Variants in CYRIB observed in about 807,000 individuals in gnomAD.
CYRIB encodes the protein CYFIP related Rac1 interactor B.
In CYRIB, 8 loss-of-function variants were observed where a neutral mutation model predicts 44.2. The ratio of observed to expected loss-of-function variants is 0.18; its 90% CI spans 0.11 to 0.33. The LOEUF (loss-of-function observed/expected upper bound fraction) is 0.33, where lower values mean the gene tolerates loss of function less well. Among genes scored for constraint, CYRIB ranks in the 10% least tolerant of loss-of-function variants. CYRIB has a pLI of 1.00. For synonymous variants in CYRIB, 131 were observed against 127.2 expected, an observed-to-expected ratio of 1.03 and a Z score of -0.20; for missense variants, 185 against 382.8, an observed-to-expected ratio of 0.48 and a Z score of 4.31.
At chr8:129,941,110 C>G (rs1416109338), upstream of CYRIB, among the ~76,000 whole-genome samples, 1 of 151,972 alleles carries the variant, frequency 6.6e-6, no homozygotes, top group East Asian at 1.9e-4. Context: ...TACTTAGAAA[C>G]GTGTTGAGTC....
chr8:129,901,236 T>A (rs1201658399), intron 2 of CYRIB, among the ~76,000 whole-genome samples: 1 of 152,118 alleles, frequency 6.6e-6, no homozygotes, highest in Non-Finnish European at 1.5e-5. Context: ...CTTTTTTTTT[T>A]GAGAGACAGA....
In CYRIB at chr8:129,849,385, G is replaced by C; in HGVS notation, c.714-16C>G. 8.8e-6 allele frequency: 14 copies of C among 1,587,630 alleles called. 1 individual carries two copies. The highest frequency in any genetic ancestry group is 4.7e-5 in the South Asian group (4 of 85,944). ...TCTGTATTCCCTGAAGAGTAGATAA[G>C]ATATGCATGGAAGAAGTGCATTACA... On this transcript the variant is annotated splice_polypyrimidine_tract_variant and intron_variant, in intron 9 of 11. Transcript: ENST00000519824.
intron 1 of CYRIB, among the ~76,000 whole-genome samples, chr8:129,993,376 G>A (rs1393264150): frequency 6.7e-6 from 1 of 150,326 alleles, no homozygotes; most frequent in Admixed American, 6.7e-5. Context: ...CTGGGTGACA[G>A]ACTAAGACTT....
At chr8:129,989,758 T>TA (rs1181944772) in intron 1 of CYRIB, among the ~76,000 whole-genome samples, 2 of 151,476 alleles carry the variant, frequency 1.3e-5, no homozygotes, top group Non-Finnish European at 2.9e-5. Context: ...ACTCGTCATT[T>TA]ACATTAGGTA....
At position 129,960,684 on chromosome 8, in the gene CYRIB, G is replaced by A. The variant is rs550089489; in HGVS notation, c.-243+10259C>T. The stretch of plus-strand genomic sequence containing the variant: ...AAAAAAAAAAAGGCTGGGCATGGTG[G>A]CTCATGCCTGTAATCCCAGCACTTT... On this transcript the variant is annotated intron_variant, in intron 2 of 14. Transcript: ENST00000401979. 3.6e-3 allele frequency among the ~76,000 whole-genome samples: 517 copies of A among 145,192 alleles called. 4 individuals are homozygous for A. The highest frequency in any genetic ancestry group is 0.012 in the African/African-American group (491 of 39,290).
At position 129,895,427 on chromosome 8, in the gene CYRIB, T is replaced by TC. The variant is rs537058471; in HGVS notation, c.-11+7884_-11+7885insG. ...TTTGTCATAACAGTCCAGTTTTTCA[T>TC]TTTTCTTCATGGTCTGTGCTTACTG... On this transcript the variant is annotated intron_variant, in intron 2 of 11. Coordinates refer to ENST00000519824, the Ensembl canonical transcript of CYRIB. 4.5e-4 allele frequency among the ~76,000 whole-genome samples: 68 copies of TC among 151,152 alleles called. 2 individuals carry two copies. In the South Asian group the frequency reaches 9.8e-3, roughly 22 times the overall value.
At chr8:129,919,914 A>G (rs1465619621) in intron 1 of CYRIB, among the ~76,000 whole-genome samples, 2 of 152,140 alleles carry the variant, frequency 1.3e-5, no homozygotes, top group African/African-American at 4.8e-5. Flanking sequence ...AAGATTTTTC[A>G]GTCCTAATAA....
intron 2 of CYRIB, among the ~76,000 whole-genome samples, chr8:129,892,208 C>T (rs572533650): frequency 4.6e-5 from 7 of 152,204 alleles, no homozygotes; most frequent in African/African-American, 1.7e-4. Flanking sequence ...AGTACAAAGG[C>T]TCAAGGCAAG....
At chr8:129,907,480 T>G (rs1180643808) in intron 1 of CYRIB, among the ~76,000 whole-genome samples, 4 of 152,046 alleles carry the variant, frequency 2.6e-5, no homozygotes, top group African/African-American at 9.7e-5. Context: ...CATTAGGAGA[T>G]ATACTTAATG....
intron 3 of CYRIB, among the ~76,000 whole-genome samples, chr8:129,872,714 TA>T (rs1459963280): frequency 6.6e-6 from 1 of 152,040 alleles, no homozygotes; most frequent in African/African-American, 2.4e-5. Context: ...TCCAAATTTA[TA>T]AGATGAAGTA....
chr8:129,993,719 G>A (rs530236687), intron 1 of CYRIB, among the ~76,000 whole-genome samples: 6 of 151,596 alleles, frequency 4.0e-5, no homozygotes, highest in South Asian at 2.1e-4. Context: ...AAAATTAGCC[G>A]GACGTGGTGG....
At chr8:130,012,525 T>G (rs111491637) in intron 1 of CYRIB, among the ~76,000 whole-genome samples, 2 of 108,622 alleles carry the variant, frequency 1.8e-5, no homozygotes, top group African/African-American at 7.3e-5. Flanking sequence ...CAGACATTGC[T>G]GAGCACCTCT....
At chr8:129,989,058 T>G (rs2096556593) in intron 1 of CYRIB, among the ~76,000 whole-genome samples, 1 of 152,130 alleles carries the variant, frequency 6.6e-6, no homozygotes, top group Non-Finnish European at 1.5e-5. Context: ...AAATACCAGG[T>G]TCTGTCTTTT....
intron 1 of CYRIB, among the ~76,000 whole-genome samples, chr8:129,913,405 A>G (rs1407567936): frequency 1.3e-5 from 2 of 152,226 alleles, no homozygotes; most frequent in Non-Finnish European, 2.9e-5. Flanking sequence ...AATTGCAATT[A>G]TTGATAGAAA....
intron 5 of CYRIB, 44 bp downstream of exon 7, chr8:129,862,185 T>C: frequency 2.2e-6 from 3 of 1,364,348 alleles, no homozygotes; most frequent in Non-Finnish European, 3.1e-6. Context: ...TGAATAAACA[T>C]CTTTTTCACT....
chr8:129,920,072 C>G (rs1458624657), intron 1 of CYRIB, among the ~76,000 whole-genome samples: 1 of 144,286 alleles, frequency 6.9e-6, no homozygotes, highest in Non-Finnish European at 1.5e-5. Context: ...ACTTACAAAC[C>G]AAATCAGGGG....
chr8:129,852,262 T>C (rs750937643), exon 8 of CYRIB: 1 of 1,570,922 alleles, frequency 6.4e-7, no homozygotes, highest in Non-Finnish European at 8.6e-7. Flanking sequence ...ATTATTTACT[T>C]CATTTTCTCC....
rs539060393 is a variant in CYRIB, at chr8:129,936,053, G to A, written c.-50+3555C>T. 1.2e-3 allele frequency among the ~76,000 whole-genome samples: 177 copies of A among 152,312 alleles called. 1 individual carries two copies. The highest frequency in any genetic ancestry group is 4.0e-3 in the African/African-American group (165 of 41,576). On this transcript the variant is annotated intron_variant, in intron 1 of 11. Transcript: ENST00000519824. ...GTCAATCCTGTATATGCTTACAGGA[G>A]AGTACAGAACAAGTGAACATTATCC...
chr8:129,982,065 T>C (rs1166306678), intron 1 of CYRIB, among the ~76,000 whole-genome samples: 1 of 152,226 alleles, frequency 6.6e-6, no homozygotes, highest in African/African-American at 2.4e-5. Flanking sequence ...CTTGTCCCCA[T>C]TGGCCAGGGA....
Sources: gnomAD v4.1 joint callset for allele counts (sites outside exome capture counted in the v4.1 genomes callset) on GRCh38, gnomAD v4.1.1 for gene constraint, MANE v1.5 for transcripts, NCBI Gene and HGNC (gene_info 2026-07-23, HGNC 2026-07-21) for gene names.